The following SLC5A4 variants were observed in gnomAD, a reference collection of about 807,000 sequenced individuals.
The protein encoded by SLC5A4 is solute carrier family 5 member 4.
SLC5A4 carries 55 observed loss-of-function variants against 70.3 expected under a neutral mutation model. The ratio of observed to expected loss-of-function variants is 0.78; its 90% CI spans 0.63 to 0.98. The LOEUF (loss-of-function observed/expected upper bound fraction) is 0.98. Ranked by LOEUF, SLC5A4 falls within the 50% of genes least tolerant of loss-of-function variation. The probability of loss-of-function intolerance (pLI) is 0.00; values close to 1 mark genes in which losing one functional copy is unlikely to be tolerated. For synonymous variants in SLC5A4, 268 were observed against 305.7 expected (o/e 0.88, Z 1.29); for missense variants, 735 against 839.2 (o/e 0.88, Z 1.53).
intron 13 of SLC5A4, among the ~76,000 whole-genome samples, chr22:32,222,744 G>A (rs568473408): frequency 1.8e-4 from 27 of 152,174 alleles, no homozygotes; most frequent in African/African-American, 5.8e-4. Flanking sequence ...ATAATCTACT[G>A]GCCACTTCTC....
At chr22:32,253,597 A>ATAAGGTGGGGC (rs1323971177) in intron 2 of SLC5A4, among the ~76,000 whole-genome samples, 1 of 152,186 alleles carries the variant, frequency 6.6e-6, no homozygotes, top group East Asian at 1.9e-4. Flanking sequence ...AGAAAAGAAT[A>ATAAGGTGGGGC]TAAGGTGGGG....
rs1010100575 is a variant in SLC5A4 at position 32,231,128 on chromosome 22, C to A, written c.1022-53G>T. 6.7e-6 allele frequency: 7 copies of A among 1,037,754 alleles called. No individual in the cohort carries two copies. In the African/African-American group the frequency reaches 7.8e-5, roughly 12 times the overall value. The allele number at this position is 1,037,754 out of a possible 1,614,324, so 64.3% of individuals were successfully genotyped here. On this transcript the variant is annotated intron_variant, in intron 9 of 14. Transcript: ENST00000266086. ...ATGAGGCCCAAATAGGCAAAACCAA[C>A]AACCATTAAACAAAGAGAAAAGTTG...
chr22:32,242,772 G>A (rs1178463949), intron 5 of SLC5A4, among the ~76,000 whole-genome samples: 1 of 152,180 alleles, frequency 6.6e-6, no homozygotes, highest in African/African-American at 2.4e-5. Context: ...AAATAGGAAT[G>A]TATCAGTCCA....
intron 14 of SLC5A4, among the ~76,000 whole-genome samples, chr22:32,219,458 T>G (rs985403043): frequency 6.6e-6 from 1 of 151,810 alleles, no homozygotes; most frequent in Admixed American, 6.6e-5. Context: ...AGATTATATT[T>G]AAAAAGAAAT....
chr22:32,304,928 G>GTAT, the SLC5A4 span, among the ~76,000 whole-genome samples: 4 of 151,742 alleles, frequency 2.6e-5, no homozygotes, highest in Non-Finnish European at 1.5e-5. Context: ...GTTCAGATTC[G>GTAT]TATTTTTCCA....
At chr22:32,331,755 G>A in the SLC5A4 span, among the ~76,000 whole-genome samples, 7 of 152,206 alleles carry the variant, frequency 4.6e-5, no homozygotes, top group South Asian at 2.1e-4. Context: ...GGCAGGACAC[G>A]CAGCCCACAT....
chr22:32,354,842 T>A, the SLC5A4 span: 1 of 152,456 alleles, frequency 6.6e-6, no homozygotes, highest in Admixed American at 6.5e-5. Flanking sequence ...CCACCACCAT[T>A]TTACCATTCT....
the SLC5A4 span, among the ~76,000 whole-genome samples, chr22:32,319,944 G>T: frequency 2.7e-5 from 4 of 149,560 alleles, no homozygotes; most frequent in South Asian, 4.7e-4. Context: ...ACAAACAGAA[G>T]AACAAAAGCG....
chr22:32,322,229 C>T, the SLC5A4 span, among the ~76,000 whole-genome samples: 1 of 152,128 alleles, frequency 6.6e-6, no homozygotes, highest in South Asian at 2.1e-4. Context: ...AAAAGGGAAG[C>T]GCGTCCTCAC....
chr22:32,258,338 G>A (rs2145715010), upstream of SLC5A4, among the ~76,000 whole-genome samples: 1 of 152,172 alleles, frequency 6.6e-6, no homozygotes, highest in African/African-American at 2.4e-5. Flanking sequence ...GTTGAATAGA[G>A]GAAGTATGGT....
At chr22:32,278,924 C>CA in the SLC5A4 span, among the ~76,000 whole-genome samples, 1 of 152,210 alleles carries the variant, frequency 6.6e-6, no homozygotes, top group East Asian at 1.9e-4. Flanking sequence ...ATTTAGAAAA[C>CA]ATTTTTCATT....
the SLC5A4 span, among the ~76,000 whole-genome samples, chr22:32,317,393 A>C: frequency 6.6e-6 from 1 of 152,338 alleles, no homozygotes; most frequent in South Asian, 2.1e-4. Context: ...AAATAGATGA[A>C]AACAGAAATG....
the SLC5A4 span, among the ~76,000 whole-genome samples, chr22:32,306,557 G>A: frequency 6.6e-6 from 1 of 151,850 alleles, no homozygotes; most frequent in African/African-American, 2.4e-5. Flanking sequence ...AGTATTATTA[G>A]GAATGTTTTT....
the SLC5A4 span, among the ~76,000 whole-genome samples, chr22:32,352,656 C>T: frequency 6.6e-6 from 1 of 152,146 alleles, no homozygotes; most frequent in East Asian, 2.0e-4. Flanking sequence ...GCAGGGCTGC[C>T]CCCCAACGCT....
the SLC5A4 span, among the ~76,000 whole-genome samples, chr22:32,302,325 CT>C: frequency 1.3e-5 from 2 of 150,820 alleles, no homozygotes; most frequent in Non-Finnish European, 2.9e-5. Context: ...CAGTCTGTAG[CT>C]TGTCTGTTCC....
At chr22:32,316,934 C>CTCTGTG in the SLC5A4 span, among the ~76,000 whole-genome samples, 3 of 148,622 alleles carry the variant, frequency 2.0e-5, no homozygotes, top group African/African-American at 7.5e-5. Flanking sequence ...ATTAACAACT[C>CTCTGTG]TGTGTGTGTG....
chr22:32,266,140 C>T, the SLC5A4 span, among the ~76,000 whole-genome samples: 1 of 152,114 alleles, frequency 6.6e-6, no homozygotes, highest in Non-Finnish European at 1.5e-5. Flanking sequence ...GGAAACTTTG[C>T]CTTTGAATTT....
chr22:32,254,865 G>C (rs988314250), intron 1 of SLC5A4, among the ~76,000 whole-genome samples: 1 of 151,616 alleles, frequency 6.6e-6, no homozygotes, highest in Non-Finnish European at 1.5e-5. Context: ...CATAAATGAA[G>C]AGTCCAACTC....
chr22:32,331,169 G>A, the SLC5A4 span, among the ~76,000 whole-genome samples: 2 of 128,146 alleles, frequency 1.6e-5, no homozygotes, highest in African/African-American at 2.9e-5. Flanking sequence ...GTGTGTTGGG[G>A]GGCTCTGGTG....
Sources: gnomAD v4.1 joint callset for allele counts (sites outside exome capture counted in the v4.1 genomes callset) on GRCh38, gnomAD v4.1.1 for gene constraint, MANE v1.5 for transcripts, NCBI Gene and HGNC (gene_info 2026-07-23, HGNC 2026-07-21) for gene names.